Variants in JAKMIP1 observed in about 807,000 individuals in gnomAD.
JAKMIP1 encodes janus kinase and microtubule-interacting protein 1.
JAKMIP1 carries 33 observed loss-of-function variants against 113.0 expected under a neutral mutation model. The observed-to-expected ratio is 0.29, with a 90% CI of 0.22 to 0.39. JAKMIP1 has a LOEUF of 0.39. Ranked by LOEUF, JAKMIP1 falls within the 10% of genes least tolerant of loss-of-function variation. The pLI is 1.00. For synonymous variants in JAKMIP1, 480 were observed against 459.9 expected, an observed-to-expected ratio of 1.04 and a Z score of -0.56; for missense variants, 813 against 1,080.5, an observed-to-expected ratio of 0.75 and a Z score of 3.47.
rs922086443 is a variant in JAKMIP1 at position 6,069,605 on chromosome 4, T to C, written c.1303-4597A>G. On this transcript the variant is annotated intron_variant, in intron 8 of 20. Coordinates refer to ENST00000409021, the MANE Select transcript of JAKMIP1 (RefSeq NM_001099433.2). This position sits in a 1 kb window ranked among gnomAD's most constrained non-coding sequence, Gnocchi z 4.5. ...CTCTACAAAAAGTTATTTAAAAAGTTAGCCGAGTATGGTGGCTGACGCCTG... is the reference window on the plus strand; with the variant it reads ...CTCTACAAAAAGTTATTTAAAAAGTCAGCCGAGTATGGTGGCTGACGCCTG... 2.0e-5 allele frequency among the ~76,000 whole-genome samples: 3 copies of C among 152,140 alleles called. No individual in the cohort carries two copies. Among genetic ancestry groups the C allele is most frequent in the African/African-American group, 7.2e-5 (3 of 41,428 alleles).
At chr4:6,071,679 C>T (rs994072003) in intron 8 of JAKMIP1, among the ~76,000 whole-genome samples, 1 of 152,208 alleles carries the variant, frequency 6.6e-6, no homozygotes, top group African/African-American at 2.4e-5. Flanking sequence ...GTCAGGCTCC[C>T]GAGCTCTGCT....
At chr4:6,190,321 T>C (rs1291606645) in intron 1 of JAKMIP1, among the ~76,000 whole-genome samples, 1 of 147,224 alleles carries the variant, frequency 6.8e-6, no homozygotes, top group African/African-American at 2.4e-5. Context: ...TAGTTACACA[T>C]GTTTTGTTGC....
chr4:6,043,877 G>A (rs1327153409), intron 16 of JAKMIP1, among the ~76,000 whole-genome samples: 1 of 152,004 alleles, frequency 6.6e-6, no homozygotes, highest in East Asian at 1.9e-4. Flanking sequence ...CCAGTGTGGG[G>A]TGGCCCCTGT....
At chr4:6,078,272 G>T (rs1719970636) in intron 8 of JAKMIP1, among the ~76,000 whole-genome samples, 1 of 149,814 alleles carries the variant, frequency 6.7e-6, no homozygotes, top group Non-Finnish European at 1.5e-5. Context: ...CCGAGATGGT[G>T]TCACTGCACT....
rs1721902840 is a variant in JAKMIP1, at chr4:6,153,815, A to G, written c.-147-40818T>C. 6.6e-6 allele frequency among the ~76,000 whole-genome samples: 1 copy of G among 152,252 alleles called. No homozygotes were observed. The highest frequency in any genetic ancestry group is 2.4e-5 in the African/African-American group (1 of 41,466). On this transcript the variant is annotated intron_variant, in intron 1 of 20. Coordinates refer to ENST00000409021, the MANE Select transcript of JAKMIP1 (RefSeq NM_001099433.2). The surrounding 1 kb of genome is among the most constrained non-coding windows in gnomAD (Gnocchi z 4.9). ...TACAGTTATATTTTCCCTAATGCAC[A>G]CTAAAGTATTATTAAAATAAATTAT...
chr4:6,131,328 A>G (rs1202991924), intron 1 of JAKMIP1, among the ~76,000 whole-genome samples: 1 of 149,948 alleles, frequency 6.7e-6, no homozygotes, highest in Non-Finnish European at 1.5e-5. Flanking sequence ...CAAACCACAG[A>G]TCCAGGAAGC....
intron 1 of JAKMIP1, among the ~76,000 whole-genome samples, chr4:6,119,492 C>T (rs527838282): frequency 1.3e-5 from 2 of 151,982 alleles, no homozygotes; most frequent in South Asian, 4.2e-4. Flanking sequence ...TGCGGTGAGC[C>T]GAGATCACGC....
In JAKMIP1 at chr4:6,056,702, C is replaced by T. The variant is rs1716523519; in HGVS notation, c.1702G>A (p.Glu568Lys). The T allele has an allele frequency of 6.2e-7, 1 of 1,613,266 alleles. No individual in the cohort carries two copies. The highest frequency in any genetic ancestry group is 1.7e-5 in the Admixed American group (1 of 60,006). The change falls in exon 12 of 21, where the codon GAA becomes AAA. Residue 568 changes from glutamate (E) to lysine (K), a missense_variant. This residue lies in a region of JAKMIP1 where 273 missense variants were observed against 426.6 expected (regional missense o/e 0.64). Coordinates refer to ENST00000409021, the MANE Select transcript of JAKMIP1 (RefSeq NM_001099433.2). ...LLIRTNQDLL[E>K]KIYRLEMEEN... ...CCTGAGGTGGGGTCACGCACCTTTT[C>T]CAGCAAGTCTTGGTTTGTTCTGATG...
At chr4:6,048,424 G>A (rs1190799656) in intron 16 of JAKMIP1, among the ~76,000 whole-genome samples, 2 of 152,216 alleles carry the variant, frequency 1.3e-5, no homozygotes, top group African/African-American at 4.8e-5. Context: ...ATATATAACA[G>A]CTAAGAGGGG....
chr4:6,171,821 C>T (rs964949676), intron 1 of JAKMIP1, among the ~76,000 whole-genome samples: 44 of 152,202 alleles, frequency 2.9e-4, no homozygotes, highest in African/African-American at 7.2e-5. Flanking sequence ...GTTGACAATC[C>T]CTGACTGCAC....
chr4:6,095,746 G>A (rs1414334307), intron 3 of JAKMIP1, among the ~76,000 whole-genome samples: 2 of 152,152 alleles, frequency 1.3e-5, no homozygotes, highest in Admixed American at 1.3e-4. Context: ...GCACACTAAA[G>A]GGCAGGAGCG....
chr4:6,163,405 C>T (rs773883305), intron 1 of JAKMIP1, among the ~76,000 whole-genome samples: 1 of 152,182 alleles, frequency 6.6e-6, no homozygotes, highest in Non-Finnish European at 1.5e-5. Flanking sequence ...ACATCATGAA[C>T]CATGCCTATA....
intron 1 of JAKMIP1, among the ~76,000 whole-genome samples, chr4:6,151,753 G>C (rs1037916181): frequency 6.6e-6 from 1 of 152,154 alleles, no homozygotes; most frequent in African/African-American, 2.4e-5. Context: ...AGTGGCTAAG[G>C]GTATGGAGTG....
intron 13 of JAKMIP1, among the ~76,000 whole-genome samples, chr4:6,052,280 T>C (rs1053828919): frequency 2.6e-5 from 4 of 152,046 alleles, no homozygotes; most frequent in African/African-American, 7.2e-5. Flanking sequence ...GATGACTTTC[T>C]ACCAGCAAAT....
At chr4:6,091,031 A>T (rs1721995438) in intron 3 of JAKMIP1, among the ~76,000 whole-genome samples, 1 of 152,258 alleles carries the variant, frequency 6.6e-6, no homozygotes, top group Non-Finnish European at 1.5e-5. Flanking sequence ...CAAGTCCAAA[A>T]GCCTTCTTGC....
rs1241204941 is a variant in JAKMIP1 at position 6,108,003 on chromosome 4, G to C, written c.130-2036C>G. Among the ~76,000 whole-genome samples, 1 of 152,190 alleles carries C rather than the reference G, an allele frequency of 6.6e-6. No individual in the cohort carries two copies. Among genetic ancestry groups the C allele is most frequent in the Admixed American group, 6.5e-5 (1 of 15,286 alleles). ...TGTGAGAGACACAGGTAGAAAGGGG[G>C]TGAGGAACATGGAAGGGTGGGCAGA... On this transcript the variant is annotated intron_variant, in intron 2 of 20. Coordinates refer to ENST00000409021, the MANE Select transcript of JAKMIP1 (RefSeq NM_001099433.2). The surrounding 1 kb of genome is among the most constrained non-coding windows in gnomAD (Gnocchi z 5.6).
At chr4:6,083,916 A>G (rs935776463) in intron 5 of JAKMIP1, among the ~76,000 whole-genome samples, 1 of 152,196 alleles carries the variant, frequency 6.6e-6, no homozygotes, top group African/African-American at 2.4e-5. Context: ...CATGTTCATT[A>G]TTTTTAAAAT....
chr4:6,033,482 A>G (rs6853245), intron 19 of JAKMIP1, among the ~76,000 whole-genome samples: 38,753 of 152,216 alleles, frequency 0.25, 8,019 homozygotes, highest in African/African-American at 0.57. Context: ...AATGTTAGCT[A>G]ATATTCATTG....
chr4:6,065,976 T>C lies in JAKMIP1; in HGVS notation c.1303-968A>G, dbSNP rs994849553. 6.6e-6 allele frequency among the ~76,000 whole-genome samples: 1 copy of C among 152,176 alleles called. No homozygotes were observed. The highest frequency in any genetic ancestry group is 1.5e-5 in the Non-Finnish European group (1 of 68,036). ...ATCACCAGATCAATGTCTCTTATTTTAGGAACATAGCTTTTTTGGGTTTTT... is the reference window on the plus strand; with the variant it reads ...ATCACCAGATCAATGTCTCTTATTTCAGGAACATAGCTTTTTTGGGTTTTT... On this transcript the variant is annotated intron_variant, in intron 8 of 20. Transcript: ENST00000409021. This position sits in a 1 kb window ranked among gnomAD's most constrained non-coding sequence, Gnocchi z 5.1.
Sources: gnomAD v4.1 joint callset for allele counts (sites outside exome capture counted in the v4.1 genomes callset) on GRCh38, gnomAD v4.1.1 for gene constraint, gnomAD v4.1.1 regional missense constraint, Gnocchi (gnomAD v3.1) non-coding constraint, MANE v1.5 for transcripts, NCBI Gene and HGNC (gene_info 2026-07-23, HGNC 2026-07-21) for gene names.